Variants in CEP43 observed in about 807,000 individuals in gnomAD.
CEP43 encodes centrosomal protein 43.
Under a neutral mutation model 52.6 loss-of-function variants are expected in CEP43, and 36 were observed. That is an observed-to-expected ratio of 0.68 (90% confidence interval 0.52 to 0.90). The LOEUF is 0.90. Ranked by LOEUF, CEP43 falls within the 40% of genes least tolerant of loss-of-function variation. The pLI, the probability that CEP43 is intolerant of heterozygous loss-of-function variation, is 0.00. For missense variants in CEP43, 506 were observed against 472.8 expected (o/e 1.07, Z -0.65); for synonymous variants, 192 against 172.4 (o/e 1.11, Z -0.89).
intron 7 of CEP43, among the ~76,000 whole-genome samples, chr6:167,017,889 G>T (rs1227703459): frequency 1.3e-5 from 2 of 152,106 alleles, no homozygotes; most frequent in Non-Finnish European, 2.9e-5. Context: ...GACAAAACTT[G>T]TTTTAGTTTT....
At position 167,041,414 on chromosome 6, in the gene CEP43, C is replaced by T. The variant is rs162296; in HGVS notation, c.*1436C>T. On this transcript the variant is annotated 3_prime_UTR_variant, in exon 13 of 13. Transcript: ENST00000366847. ...GGGAGCCCTGTGTATTTCTGCCCTC[C>T]GTCTGTGAGCTGCTATCTCAGTCTC... 3.5e-3 allele frequency: 3,683 copies of T among 1,060,744 alleles called. 110 individuals are homozygous for T. The African/African-American group carries it at 0.054, about 16-fold the overall frequency. The allele number at this position is 1,060,744 out of a possible 1,614,324, so 65.7% of individuals were successfully genotyped here. A position where few individuals can be genotyped will look rare whatever the true frequency, so the allele number is the denominator to read the frequency against.
intron 3 of CEP43, 42 bp from the exon 4 acceptor site, chr6:167,003,681 T>A (rs765793417): frequency 7.9e-7 from 1 of 1,262,668 alleles, no homozygotes; most frequent in Non-Finnish European, 1.1e-6. Context: ...AAAATTCAGT[T>A]TTTGAAGATT....
intron 7 of CEP43, among the ~76,000 whole-genome samples, chr6:167,014,854 A>G (rs1455507887): frequency 1.3e-5 from 2 of 152,224 alleles, no homozygotes; most frequent in Non-Finnish European, 2.9e-5. Flanking sequence ...AATTGGAGAG[A>G]TGAGACATAC....
rs373930148 is a variant in CEP43 at position 167,039,857 on chromosome 6, A to G, written c.1126-47A>G. 13 of 1,601,320 alleles carry G rather than the reference A, an allele frequency of 8.1e-6. No homozygotes were observed. The African/African-American group carries it at 1.1e-4, about 13-fold the overall frequency. ...TGATTTTTTAAAATAACTTAAGACT[A>G]CTCACATTCTGACACTTAATTATTT... On this transcript the variant is annotated intron_variant, in intron 12 of 12. Transcript: ENST00000366847.
intron 7 of CEP43, among the ~76,000 whole-genome samples, chr6:167,013,855 C>T (rs1220289928): frequency 1.3e-5 from 2 of 152,322 alleles, no homozygotes; most frequent in East Asian, 3.9e-4. Flanking sequence ...CGCCTGTAAT[C>T]CCAGCTACTT....
chr6:167,007,381 G>C (rs1233965749), intron 5 of CEP43, among the ~76,000 whole-genome samples: 5 of 152,234 alleles, frequency 3.3e-5, no homozygotes, highest in African/African-American at 1.2e-4. Flanking sequence ...GCCAGGATAG[G>C]AATTCTGTAT....
intron 2 of CEP43, 84 bp downstream of exon 2, chr6:167,000,197 A>G (rs1779702157): frequency 9.9e-7 from 1 of 1,006,476 alleles, no homozygotes; most frequent in Non-Finnish European, 1.5e-6. Flanking sequence ...AAAATAGTTT[A>G]TAGTAACATA....
intron 10 of CEP43, chr6:167,027,880 C>T (rs1421082903): frequency 1.0e-6 from 1 of 985,602 alleles, no homozygotes; most frequent in Non-Finnish European, 1.2e-6. Flanking sequence ...AATAAATGTT[C>T]CCTGAGCTGC....
chr6:167,022,310 C>CACAA (rs67955090), intron 7 of CEP43, 99 bp from the exon 8 acceptor site: 314,947 of 743,412 alleles, frequency 0.42, 74,318 homozygotes, highest in Non-Finnish European at 0.46. Context: ...GTTGCACACA[C>CACAA]ACAGGTTTGA....
chr6:167,014,678 T>C (rs554674141), intron 7 of CEP43, among the ~76,000 whole-genome samples: 119 of 152,350 alleles, frequency 7.8e-4, no homozygotes, highest in Non-Finnish European at 1.5e-3. Context: ...CCTATTACTG[T>C]ATTCTCTTTC....
intron 10 of CEP43, among the ~76,000 whole-genome samples, chr6:167,027,573 G>A (rs573295828): frequency 6.6e-6 from 1 of 152,302 alleles, no homozygotes; most frequent in Admixed American, 6.5e-5. Context: ...GGGCAGCTCC[G>A]AGAATGCCCT....
chr6:167,029,339 C>T (rs1313220186), intron 10 of CEP43, among the ~76,000 whole-genome samples: 1 of 152,244 alleles, frequency 6.6e-6, no homozygotes, highest in Non-Finnish European at 1.5e-5. Flanking sequence ...TAATGTAGTA[C>T]AGGTTGAGTA....
intron 10 of CEP43, among the ~76,000 whole-genome samples, chr6:167,029,741 A>G (rs567916233): frequency 1.3e-5 from 2 of 152,356 alleles, no homozygotes; most frequent in South Asian, 2.1e-4. Context: ...TGTGAGCAAC[A>G]TGGCTGTTTA....
chr6:167,014,969 C>T (rs1448031769), intron 7 of CEP43, among the ~76,000 whole-genome samples: 3 of 152,188 alleles, frequency 2.0e-5, no homozygotes, highest in Non-Finnish European at 2.9e-5. Flanking sequence ...TATAATCTTA[C>T]TGCTATTGTG....
chr6:167,006,333 G>A (rs1779853228), intron 5 of CEP43, among the ~76,000 whole-genome samples: 1 of 152,140 alleles, frequency 6.6e-6, no homozygotes, highest in Non-Finnish European at 1.5e-5. Flanking sequence ...TGGCCAACAT[G>A]GTGAAACCCC....
At chr6:167,009,850 TAAAA>T (rs922342449) in intron 5 of CEP43, among the ~76,000 whole-genome samples, 13 of 144,008 alleles carry the variant, frequency 9.0e-5, no homozygotes, top group East Asian at 3.9e-4. Flanking sequence ...AAAAGAAAAA[TAAAA>T]GAAAGAAAGA....
intron 12 of CEP43, among the ~76,000 whole-genome samples, chr6:167,039,675 C>G (rs1780653689): frequency 6.6e-6 from 1 of 152,214 alleles, no homozygotes; most frequent in Non-Finnish European, 1.5e-5. Context: ...TAAGGAATCT[C>G]CACGCTGTTT....
chr6:167,000,142 T>C, intron 2 of CEP43, 29 bp downstream of exon 2: 4 of 1,532,924 alleles, frequency 2.6e-6, no homozygotes, highest in Non-Finnish European at 2.7e-6. Context: ...TTAACATGGC[T>C]GTATTCGTTA....
At chr6:167,028,332 A>G (rs753861161) in intron 10 of CEP43, 8 of 985,354 alleles carry the variant, frequency 8.1e-6, no homozygotes, top group Non-Finnish European at 9.6e-6. Context: ...TGCTGGGTAC[A>G]GGCAGGAGGG....
Sources: allele counts gnomAD v4.1 joint callset (sites outside exome capture counted in the v4.1 genomes callset), GRCh38; gene constraint gnomAD v4.1.1; transcripts MANE v1.5; gene names NCBI Gene and HGNC (gene_info 2026-07-23, HGNC 2026-07-21).